The following ABCA13 variants were observed in gnomAD, a reference collection of about 807,000 sequenced individuals.
ABCA13 encodes the protein ATP binding cassette subfamily A member 13, also known as ATP-binding cassette sub-family A member 13.
A neutral mutation model predicts 478.7 loss-of-function variants in ABCA13; 476 were observed. The ratio of observed to expected loss-of-function variants is 0.99; its 90% confidence interval spans 0.92 to 1.07. The LOEUF (loss-of-function observed/expected upper bound fraction) is 1.07, where lower values mean the gene tolerates loss of function less well. Ranked by LOEUF, ABCA13 falls within the 50% of genes least tolerant of loss-of-function variation. The pLI is 0.00. For missense variants in ABCA13, 6,060 were observed against 5,910.6 expected (o/e 1.03, Z -0.83); for synonymous variants, 2,252 against 2,158.9 (o/e 1.04, Z -1.20).
chr7:48,205,438 G>C (rs1584181800), intron 3 of ABCA13, among the ~76,000 whole-genome samples: 1 of 152,140 alleles, frequency 6.6e-6, no homozygotes, highest in Non-Finnish European at 1.5e-5. Context: ...GTGCATCTGC[G>C]TCTGGCTTCT....
chr7:48,319,884 G>A lies in ABCA13; in HGVS notation c.9999+2588G>A, dbSNP rs533063434. Among the ~76,000 whole-genome samples, 4 of 152,254 alleles carry A rather than the reference G, an allele frequency of 2.6e-5. No homozygotes were observed. In the South Asian group the frequency reaches 6.2e-4, roughly 24 times the overall value. On this transcript the variant is annotated intron_variant, in intron 27 of 61. Coordinates refer to ENST00000435803, the MANE Select transcript of ABCA13 (RefSeq NM_152701.5). Reference sequence around the variant, plus strand: ...TCATCTGGGAGACGGCTCTTCATGGGGGATGCATCAGAATTACCCACGGAC... The same window carrying A: ...TCATCTGGGAGACGGCTCTTCATGGAGGATGCATCAGAATTACCCACGGAC...
intron 19 of ABCA13, among the ~76,000 whole-genome samples, chr7:48,282,528 C>G (rs1354297505): frequency 1.3e-5 from 2 of 152,046 alleles, no homozygotes; most frequent in Non-Finnish European, 2.9e-5. Flanking sequence ...TGGATCCGAT[C>G]AGATCAAGAG....
At chr7:48,502,053 T>C (rs1433553731) in intron 48 of ABCA13, among the ~76,000 whole-genome samples, 3 of 152,216 alleles carry the variant, frequency 2.0e-5, no homozygotes, top group Non-Finnish European at 4.4e-5. Context: ...TCTATAATTC[T>C]AAAATGCTGA....
intron 41 of ABCA13, among the ~76,000 whole-genome samples, chr7:48,416,737 G>C (rs1378041911): frequency 1.3e-5 from 2 of 151,962 alleles, no homozygotes. Context: ...GGGTTTAGAG[G>C]CTGCACCTTT....
At chr7:48,430,191 A>G (rs1041202055) in intron 42 of ABCA13, among the ~76,000 whole-genome samples, 3 of 152,086 alleles carry the variant, frequency 2.0e-5, no homozygotes, top group African/African-American at 7.2e-5. Context: ...TAGGTTTTTT[A>G]ATTATGATTA....
At chr7:48,345,771 T>C (rs1807979510) in intron 29 of ABCA13, among the ~76,000 whole-genome samples, 1 of 152,220 alleles carries the variant, frequency 6.6e-6, no homozygotes, top group African/African-American at 2.4e-5. Flanking sequence ...ACAGTGTTTA[T>C]AAAGTGTATA....
rs190550396 is a variant in ABCA13 at position 48,376,530 on chromosome 7, C to T, written c.11293C>T (p.Leu3765Phe). 181 of 1,613,824 alleles carry T rather than the reference C, an allele frequency of 1.1e-4. No homozygotes were observed. In the African/African-American group the frequency reaches 2.0e-3, roughly 18 times the overall value. Residue 3765 changes from leucine (L) to phenylalanine (F), a missense_variant, in exon 35 of 62, where the codon CTT (leucine) becomes TTT (phenylalanine). Physicochemically the swap from Leu to Phe is conservative, Grantham distance 22 (BLOSUM62 0). Around this residue, in one of 3 missense-constraint regions of ABCA13, gnomAD observed 10 missense variants for 30.5 expected, o/e 0.33. Coordinates refer to ENST00000435803, the MANE Select transcript of ABCA13 (RefSeq NM_152701.5). ...CTGGATGATTCTTTTTGATTCAAGC[C>T]TTTATTTTTTGTGTGGATGGTACTT... is the stretch of plus-strand genomic sequence containing the variant. Reference protein sequence around the residue: ...VCWMILFDSSLYFLCGWYLSN... With the variant: ...VCWMILFDSSFYFLCGWYLSN...
At chr7:48,351,925 T>C (rs1422641358) in intron 30 of ABCA13, among the ~76,000 whole-genome samples, 3 of 152,248 alleles carry the variant, frequency 2.0e-5, no homozygotes, top group East Asian at 3.8e-4. Context: ...GTGTTGATTA[T>C]ACCACAGTTT....
rs1399039461 is a variant in ABCA13 at position 48,272,403 on chromosome 7, A to G, written c.2737A>G (p.Ile913Val). The change falls in exon 17 of 62, where the codon ATC (isoleucine) becomes GTC (valine). Residue 913 changes from isoleucine (I) to valine (V), a missense_variant. This residue lies in a region of ABCA13 where 4,423 missense variants were observed against 4,309.1 expected (regional missense o/e 1.03). Transcript: ENST00000435803. Reference protein sequence around the residue: ...HEFGFLEQEQISEALNTVYAI... With the variant: ...HEFGFLEQEQVSEALNTVYAI... The stretch of plus-strand genomic sequence containing the variant: ...ATTTGGATTTTTGGAGCAGGAACAG[A>G]TCTCAGAAGCTCTGAACACAGTCTA... 3 of 1,613,786 alleles carry G rather than the reference A, an allele frequency of 1.9e-6. No individual in the cohort carries two copies. Among genetic ancestry groups the G allele is most frequent in the Non-Finnish European group, 2.5e-6 (3 of 1,179,772 alleles).
chr7:48,309,427 C>G (rs535333511), intron 23 of ABCA13, among the ~76,000 whole-genome samples: 1 of 152,176 alleles, frequency 6.6e-6, no homozygotes, highest in Admixed American at 6.5e-5. Context: ...AAGTTGTCCT[C>G]AGTGCCTCCT....
intron 35 of ABCA13, among the ~76,000 whole-genome samples, chr7:48,385,734 A>G (rs1815078488): frequency 6.6e-6 from 1 of 152,142 alleles, no homozygotes; most frequent in South Asian, 2.1e-4. Flanking sequence ...AGGAACCACC[A>G]CCTGTCTTCC....
chr7:48,288,113 T>C lies in ABCA13; in HGVS notation c.8955+35T>C, dbSNP rs1290148463. 4 of 1,571,560 alleles carry C rather than the reference T, an allele frequency of 2.5e-6. No individual in the cohort carries two copies. The East Asian group carries it at 9.0e-5, about 35-fold the overall frequency. On this transcript the variant is annotated intron_variant, in intron 20 of 61. Transcript: ENST00000435803. ...CTTTAATATTTCAGAGAATTTCATG[T>C]TCATGACTATTGGCCCTTGCAAGGC...
intron 15 of ABCA13, among the ~76,000 whole-genome samples, chr7:48,259,049 T>C (rs555873821): frequency 2.6e-5 from 4 of 152,114 alleles, no homozygotes; most frequent in Non-Finnish European, 4.4e-5. Context: ...TTTTAGAGTA[T>C]GTGCCATGTG....
intron 42 of ABCA13, among the ~76,000 whole-genome samples, chr7:48,430,725 C>T (rs6973231): frequency 0.12 from 17,264 of 147,312 alleles, 1,173 homozygotes; most frequent in Admixed American, 0.17. Context: ...ATTTCCACTT[C>T]TAATAATTTG....
Position 48,303,431 on chromosome 7 carries a change from A to G in ABCA13, c.9321+4944A>G, listed in dbSNP as rs141244892. ...TGCCCATTCCTATGTCCAGAATAGT[A>G]TTACCTAGGTTGTCTTCCAGGGTTT... On this transcript the variant is annotated intron_variant, in intron 23 of 61. Coordinates refer to ENST00000435803, the MANE Select transcript of ABCA13 (RefSeq NM_152701.5). Among the ~76,000 whole-genome samples the G allele has an allele frequency of 3.6e-3, 545 of 152,218 alleles. 4 individuals are homozygous for G. Among genetic ancestry groups the G allele is most frequent in the African/African-American group, 0.012 (514 of 41,530 alleles).
At chr7:48,446,284 T>A (rs1824289391) in intron 42 of ABCA13, among the ~76,000 whole-genome samples, 1 of 151,850 alleles carries the variant, frequency 6.6e-6, no homozygotes, top group Admixed American at 6.6e-5. Flanking sequence ...TGTTAGAGTA[T>A]CTTTAAGCTC....
Position 48,435,897 on chromosome 7 carries a change from A to G in ABCA13, c.12565+8026A>G, listed in dbSNP as rs185076305. 2.7e-3 allele frequency among the ~76,000 whole-genome samples: 405 copies of G among 148,778 alleles called. 3 individuals are homozygous for G. Among genetic ancestry groups the G allele is most frequent in the African/African-American group, 9.7e-3 (381 of 39,464 alleles). On this transcript the variant is annotated intron_variant, in intron 42 of 61. Transcript: ENST00000435803. ...TCATGATGTGTAATCATTTTAATATACTGTCAAATTTGGTATGCCAGTATT... is the reference window on the plus strand; with the variant it reads ...TCATGATGTGTAATCATTTTAATATGCTGTCAAATTTGGTATGCCAGTATT...
At chr7:48,627,006 A>G in intron 59 of ABCA13, 1 of 985,418 alleles carries the variant, frequency 1.0e-6, no homozygotes, top group African/African-American at 1.7e-5. Flanking sequence ...TTGAAGCAAT[A>G]TTTATAAACT....
chr7:48,466,263 C>G (rs1176510095), intron 43 of ABCA13, among the ~76,000 whole-genome samples: 2 of 152,062 alleles, frequency 1.3e-5, no homozygotes, highest in Admixed American at 6.6e-5. Context: ...CTACAACTCC[C>G]CACAGTGACA....
Sources: gnomAD v4.1 joint callset for allele counts (sites outside exome capture counted in the v4.1 genomes callset) on GRCh38, gnomAD v4.1.1 for gene constraint, gnomAD v4.1.1 regional missense constraint, MANE v1.5 for transcripts, NCBI Gene and HGNC (gene_info 2026-07-23, HGNC 2026-07-21) for gene names.